Variants in LDLRAD3 observed in about 807,000 individuals in gnomAD.
LDLRAD3 encodes the protein low-density lipoprotein receptor class A domain-containing protein 3.
Under a neutral mutation model 29.4 loss-of-function variants are expected in LDLRAD3, and 20 were observed. The observed-to-expected ratio is 0.68, with a 90% CI of 0.48 to 0.99. The LOEUF (loss-of-function observed/expected upper bound fraction) is 0.99. LDLRAD3 is among the 50% of genes least tolerant of loss of function. LDLRAD3 has a pLI of 0.00. For missense variants in LDLRAD3, 420 were observed against 454.3 expected, an observed-to-expected ratio of 0.92 and a Z score of 0.69; for synonymous variants, 157 against 192.7, an observed-to-expected ratio of 0.81 and a Z score of 1.53.
At chr11:36,081,835 T>C in intron 3 of LDLRAD3, 57 bp downstream of exon 3, 2 of 1,601,722 alleles carry the variant, frequency 1.2e-6, no homozygotes, top group Non-Finnish European at 1.7e-6. Flanking sequence ...CAGCCAAACT[T>C]GTCCACATTG....
rs545663325 is a variant in LDLRAD3, at chr11:36,067,341, A to G, written c.194-14312A>G. Among the ~76,000 whole-genome samples, 307 of 152,318 alleles carry G rather than the reference A, an allele frequency of 2.0e-3. 2 individuals carry two copies. The highest frequency in any genetic ancestry group is 6.4e-3 in the African/African-American group (268 of 41,564). ...TAATGCTGGATAATCTGTAACACTC[A>G]ATACTACATAACACTACATTTTATA... On this transcript the variant is annotated intron_variant, in intron 2 of 5. Coordinates refer to ENST00000315571, the MANE Select transcript of LDLRAD3 (RefSeq NM_174902.4).
At chr11:36,128,117 C>CATATATATATAT (rs57687795) in intron 4 of LDLRAD3, among the ~76,000 whole-genome samples, 1,278 of 98,874 alleles carry the variant, frequency 0.013, 122 homozygotes, top group East Asian at 0.023. Context: ...GTTGTTTTTA[C>CATATATATATAT]ATATATATAT....
chr11:35,985,051 A>G (rs1250954304), intron 1 of LDLRAD3, among the ~76,000 whole-genome samples: 1 of 151,750 alleles, frequency 6.6e-6, no homozygotes, highest in Non-Finnish European at 1.5e-5. Flanking sequence ...CAGCCTCCCA[A>G]GTAGCAGGGA....
At chr11:35,965,023 C>T (rs982619377) in intron 1 of LDLRAD3, among the ~76,000 whole-genome samples, 9 of 150,422 alleles carry the variant, frequency 6.0e-5, no homozygotes, top group Non-Finnish European at 1.3e-4. Flanking sequence ...AAGAGTTGAG[C>T]TGGGGCGGAA....
At chr11:35,978,431 C>T (rs1228267304) in intron 1 of LDLRAD3, among the ~76,000 whole-genome samples, 1 of 152,214 alleles carries the variant, frequency 6.6e-6, no homozygotes, top group Non-Finnish European at 1.5e-5. Context: ...TGTAACACGA[C>T]CCAGTACGGC....
intron 1 of LDLRAD3, among the ~76,000 whole-genome samples, chr11:36,013,258 C>A (rs570756724): frequency 1.1e-4 from 17 of 152,306 alleles, no homozygotes; most frequent in Admixed American, 9.8e-4. Flanking sequence ...TTTGCTGATG[C>A]AAAGGGACTT....
intron 1 of LDLRAD3, among the ~76,000 whole-genome samples, chr11:35,987,982 T>C (rs945603404): frequency 1.3e-5 from 2 of 152,202 alleles, no homozygotes; most frequent in Non-Finnish European, 2.9e-5. Flanking sequence ...AGATAGTATC[T>C]CATTATGGTT....
At chr11:36,191,394 A>G (rs976320337) in intron 4 of LDLRAD3, among the ~76,000 whole-genome samples, 1 of 151,692 alleles carries the variant, frequency 6.6e-6, no homozygotes, top group Non-Finnish European at 1.5e-5. Context: ...AAAAATTATT[A>G]TAGCTGGGCG....
At chr11:36,023,153 C>T (rs148300109) in intron 1 of LDLRAD3, among the ~76,000 whole-genome samples, 71 of 152,266 alleles carry the variant, frequency 4.7e-4, no homozygotes, top group African/African-American at 1.3e-3. Context: ...CTTTGCTTGA[C>T]GGAAACAGGC....
At chr11:36,115,896 T>C (rs1776484397) in intron 4 of LDLRAD3, among the ~76,000 whole-genome samples, 1 of 152,084 alleles carries the variant, frequency 6.6e-6, no homozygotes, top group Admixed American at 6.5e-5. Context: ...ATCTCAGGAG[T>C]AAGCTAGTTT....
intron 4 of LDLRAD3, among the ~76,000 whole-genome samples, chr11:36,154,097 C>G (rs1387074635): frequency 6.6e-6 from 1 of 152,148 alleles, no homozygotes; most frequent in African/African-American, 2.4e-5. Flanking sequence ...GCATAAACTG[C>G]TTGACTTCCT....
chr11:35,991,867 T>TTGTGGGTGTGTGTGTGTG (rs1851695960), intron 1 of LDLRAD3, among the ~76,000 whole-genome samples: 1 of 82,684 alleles, frequency 1.2e-5, no homozygotes, highest in Non-Finnish European at 3.1e-5. Flanking sequence ...GAATGGTTGT[T>TTGTGGGTGTGTGTGTGTG]TGTGTGTGTG....
intron 4 of LDLRAD3, among the ~76,000 whole-genome samples, chr11:36,158,965 T>C (rs920817969): frequency 2.0e-5 from 3 of 152,188 alleles, no homozygotes; most frequent in Non-Finnish European, 2.9e-5. Flanking sequence ...TTTTGAAATA[T>C]ACAATACATT....
At chr11:36,015,343 G>A (rs1214912883) in intron 1 of LDLRAD3, among the ~76,000 whole-genome samples, 3 of 25,074 alleles carry the variant, frequency 1.2e-4, no homozygotes, top group African/African-American at 1.6e-4. Flanking sequence ...GCCTGTCCCC[G>A]TCCCCACCCC....
chr11:36,125,227 C>T (rs1590287726), intron 4 of LDLRAD3, among the ~76,000 whole-genome samples: 1 of 152,112 alleles, frequency 6.6e-6, no homozygotes, highest in East Asian at 1.9e-4. Flanking sequence ...TTATGTGTAC[C>T]TAGATCCTGG....
At chr11:36,098,186 A>G (rs1172779532) in intron 3 of LDLRAD3, 141 bp from the exon 4 acceptor site, 1 of 1,010,182 alleles carries the variant, frequency 9.9e-7, no homozygotes, top group Non-Finnish European at 1.4e-6. Flanking sequence ...CCAGCCTTAC[A>G]GCATGGGCTT....
chr11:35,993,438 A>G (rs1851713943), intron 1 of LDLRAD3, among the ~76,000 whole-genome samples: 2 of 152,148 alleles, frequency 1.3e-5, no homozygotes, highest in Non-Finnish European at 2.9e-5. Flanking sequence ...CTATTTTCTC[A>G]GGACTGTAGA....
intron 4 of LDLRAD3, among the ~76,000 whole-genome samples, chr11:36,135,774 G>A (rs1590296996): frequency 6.6e-6 from 1 of 152,166 alleles, no homozygotes; most frequent in African/African-American, 2.4e-5. Context: ...GTTGGGTGTG[G>A]TGGTGCACAC....
chr11:36,049,227 C>T (rs919153949), intron 2 of LDLRAD3, among the ~76,000 whole-genome samples: 2 of 152,164 alleles, frequency 1.3e-5, no homozygotes, highest in African/African-American at 4.8e-5. Context: ...AAAATTTTCT[C>T]CTGGCACATC....
Sources: gnomAD v4.1 joint callset for allele counts (sites outside exome capture counted in the v4.1 genomes callset) on GRCh38, gnomAD v4.1.1 for gene constraint, MANE v1.5 for transcripts, NCBI Gene and HGNC (gene_info 2026-07-23, HGNC 2026-07-21) for gene names.